GABRB2: variants seen among roughly 807,000 people sequenced by gnomAD.
GABRB2 encodes gamma-aminobutyric acid type A receptor subunit beta2.
Under a neutral mutation model 54.7 loss-of-function variants are expected in GABRB2, and 16 were observed. The observed-to-expected ratio is 0.29, with a 90% CI of 0.20 to 0.44. GABRB2 has a LOEUF of 0.44. Among genes scored for constraint, GABRB2 ranks in the 20% least tolerant of loss-of-function variants. The pLI is 1.00. For synonymous variants in GABRB2, 244 were observed against 233.8 expected (o/e 1.04, Z -0.40); for missense variants, 355 against 644.0 (o/e 0.55, Z 4.86).
chr5:161,358,882 C>T (rs185609448), intron 5 of GABRB2, among the ~76,000 whole-genome samples: 4 of 152,236 alleles, frequency 2.6e-5, no homozygotes, highest in South Asian at 2.1e-4. Flanking sequence ...TTTCCAGCAA[C>T]GTCCAAGGCC....
chr5:161,511,706 G>A (rs1209236211), intron 3 of GABRB2, among the ~76,000 whole-genome samples: 1 of 151,972 alleles, frequency 6.6e-6, no homozygotes, highest in Non-Finnish European at 1.5e-5. Context: ...CCTTCTGAGG[G>A]CTGTGAGGGA....
chr5:161,398,056 TAGAC>T (rs1756060144), intron 5 of GABRB2, among the ~76,000 whole-genome samples: 1 of 152,144 alleles, frequency 6.6e-6, no homozygotes, highest in Non-Finnish European at 1.5e-5. Flanking sequence ...GATAGATAGA[TAGAC>T]AGAGACAGAT....
chr5:161,370,324 C>G (rs1022940786), intron 5 of GABRB2, among the ~76,000 whole-genome samples: 1 of 152,172 alleles, frequency 6.6e-6, no homozygotes, highest in Non-Finnish European at 1.5e-5. Flanking sequence ...GCTCAGTCTA[C>G]CCATCACAGT....
At chr5:161,368,689 T>C (rs1225071275) in intron 5 of GABRB2, among the ~76,000 whole-genome samples, 1 of 152,132 alleles carries the variant, frequency 6.6e-6, no homozygotes, top group Non-Finnish European at 1.5e-5. Context: ...CGTTTTTCAG[T>C]GCCAGTCTAA....
chr5:161,384,998 C>A (rs1755579852), intron 5 of GABRB2, among the ~76,000 whole-genome samples: 1 of 152,130 alleles, frequency 6.6e-6, no homozygotes, highest in Non-Finnish European at 1.5e-5. Flanking sequence ...GCCTATTCCC[C>A]TTTAAATATG....
intron 9 of GABRB2, among the ~76,000 whole-genome samples, chr5:161,300,816 A>G (rs1004500090): frequency 1.3e-5 from 2 of 152,182 alleles, no homozygotes; most frequent in African/African-American, 4.8e-5. Context: ...ATTGGACAGA[A>G]CGACTTCAAA....
chr5:161,527,797 A>G (rs552604311), intron 3 of GABRB2, among the ~76,000 whole-genome samples: 1 of 151,738 alleles, frequency 6.6e-6, no homozygotes, highest in South Asian at 2.1e-4. Context: ...AGCAAAGATG[A>G]AAAGAATGTA....
upstream of GABRB2, chr5:161,547,231 G>A (rs1581076204): frequency 7.9e-6 from 1 of 126,370 alleles, no homozygotes; most frequent in African/African-American, 3.0e-5. Context: ...GCGGGTGGGA[G>A]GAGGGGGGAG....
At chr5:161,451,816 T>C (rs933482435) in intron 4 of GABRB2, among the ~76,000 whole-genome samples, 2 of 152,152 alleles carry the variant, frequency 1.3e-5, no homozygotes, top group African/African-American at 2.4e-5. Context: ...ACTACATATA[T>C]ACATTTTTAA....
chr5:161,408,132 C>T (rs1580960101), intron 5 of GABRB2, among the ~76,000 whole-genome samples: 1 of 151,784 alleles, frequency 6.6e-6, no homozygotes, highest in South Asian at 2.1e-4. Context: ...ATCCTTAATC[C>T]AAAAATCTGA....
At chr5:161,363,890 G>A (rs1253924857) in intron 5 of GABRB2, among the ~76,000 whole-genome samples, 1 of 152,106 alleles carries the variant, frequency 6.6e-6, no homozygotes, top group African/African-American at 2.4e-5. Context: ...TTGTAAAGAA[G>A]ATTCTAAAAG....
chr5:161,428,287 A>ATG (rs1561646509), intron 4 of GABRB2, among the ~76,000 whole-genome samples: 60 of 129,026 alleles, frequency 4.7e-4, no homozygotes, highest in African/African-American at 1.8e-3. Flanking sequence ...TCAGAGAGTT[A>ATG]CGTGTGTGTG....
intron 3 of GABRB2, among the ~76,000 whole-genome samples, chr5:161,514,115 G>C (rs1258653989): frequency 6.6e-6 from 1 of 152,124 alleles, no homozygotes; most frequent in Non-Finnish European, 1.5e-5. Context: ...CATGATCGCA[G>C]CTCCAGGGAG....
chr5:161,399,173 CA>C (rs1412807840), intron 5 of GABRB2, among the ~76,000 whole-genome samples: 1 of 152,098 alleles, frequency 6.6e-6, no homozygotes, highest in Non-Finnish European at 1.5e-5. Flanking sequence ...AGTTATCATG[CA>C]AAGAGGAATG....
chr5:161,306,103 T>A (rs1371190185), intron 9 of GABRB2, among the ~76,000 whole-genome samples: 1 of 149,874 alleles, frequency 6.7e-6, no homozygotes, highest in African/African-American at 2.4e-5. Context: ...TGGTTCTCTC[T>A]TGTTCATGGG....
At chr5:161,359,648 A>G (rs1303555844) in intron 5 of GABRB2, among the ~76,000 whole-genome samples, 1 of 152,230 alleles carries the variant, frequency 6.6e-6, no homozygotes. Context: ...TTATGTCTTA[A>G]TACAATAAAA....
chr5:161,372,449 A>G (rs1395606260), intron 5 of GABRB2, among the ~76,000 whole-genome samples: 2 of 152,122 alleles, frequency 1.3e-5, no homozygotes, highest in Non-Finnish European at 2.9e-5. Flanking sequence ...GGTGTTTGAC[A>G]TGATAGCTCC....
intron 5 of GABRB2, among the ~76,000 whole-genome samples, chr5:161,348,774 TA>T (rs1754386634): frequency 6.6e-6 from 1 of 152,118 alleles, no homozygotes; most frequent in Non-Finnish European, 1.5e-5. Context: ...GCTAGGGATT[TA>T]AAGGTCATTG....
intron 3 of GABRB2, among the ~76,000 whole-genome samples, chr5:161,479,036 G>T (rs1050687192): frequency 5.9e-5 from 9 of 151,978 alleles, no homozygotes; most frequent in African/African-American, 2.2e-4. Context: ...AACCTGAGAG[G>T]AAGACCAATT....
Sources: allele counts gnomAD v4.1 joint callset (sites outside exome capture counted in the v4.1 genomes callset), GRCh38; gene constraint gnomAD v4.1.1; transcripts MANE v1.5; gene names NCBI Gene and HGNC (gene_info 2026-07-23, HGNC 2026-07-21).